HECTD4: variants seen among roughly 807,000 people sequenced by gnomAD.
HECTD4 encodes HECT domain E3 ubiquitin protein ligase 4.
A neutral mutation model predicts 471.5 loss-of-function variants in HECTD4; 114 were observed. The observed-to-expected ratio is 0.24, with a 90% CI of 0.21 to 0.28. The LOEUF (loss-of-function observed/expected upper bound fraction) is 0.28, where lower values mean the gene tolerates loss of function less well. Ranked by LOEUF, HECTD4 falls within the 10% of genes least tolerant of loss-of-function variation. The pLI is 1.00. For synonymous variants in HECTD4, 2,012 were observed against 2,256.0 expected, an observed-to-expected ratio of 0.89 and a Z score of 3.07; for missense variants, 3,866 against 5,651.5, an observed-to-expected ratio of 0.68 and a Z score of 10.13.
intron 1 of HECTD4, among the ~76,000 whole-genome samples, chr12:112,349,388 C>CAAAAAAAAAA (rs60480485): frequency 1.5e-3 from 83 of 53,938 alleles, no homozygotes; most frequent in Non-Finnish European, 2.1e-3. Flanking sequence ...ACTCTTGCTC[C>CAAAAAAAAAA]AAAAAAAAAA....
chr12:112,254,677 A>G (rs2033969996), intron 21 of HECTD4, among the ~76,000 whole-genome samples: 1 of 152,228 alleles, frequency 6.6e-6, no homozygotes, highest in African/African-American at 2.4e-5. Flanking sequence ...AACAAATTGA[A>G]AATAAGCCAT....
In HECTD4 at chr12:112,239,086, A is replaced by G. The variant is rs375870864; in HGVS notation, c.5256T>C (p.Leu1752=). ...ATMAWAAFQV[L]ANRCVEWEKE... is the part of the protein sequence containing the mutation. ...TTTCCCACTCAACACAGCGGTTGGC[A>G]AGCACCTGGAAGGCAGCCCAGGCCA... is the stretch of plus-strand genomic sequence containing the variant. The change falls in exon 34 of 76, where the codon CTT becomes CTC. Residue 1752 remains leucine, a synonymous_variant. Coordinates refer to ENST00000682272, the MANE Select transcript of HECTD4 (RefSeq NM_001388303.1). The surrounding 1 kb of genome is among the most constrained non-coding windows in gnomAD (Gnocchi z 4.9). 7.1e-5 allele frequency: 115 copies of G among 1,613,334 alleles called. No homozygotes were observed. Among genetic ancestry groups the G allele is most frequent in the Middle Eastern group, 1.6e-4 (1 of 6,084 alleles).
In HECTD4 at chr12:112,207,075, A is replaced by G. The variant is rs1390198850; in HGVS notation, c.8131+799T>C. On this transcript the variant is annotated intron_variant, in intron 52 of 75. Transcript: ENST00000682272. ...AATGTTTTCAAAAGGAACAGTGGGT[A>G]TGAGAAAAAAAATACTGTTTGTTTA... 2.0e-5 allele frequency among the ~76,000 whole-genome samples: 3 copies of G among 152,140 alleles called. 1 individual carries two copies. Among genetic ancestry groups the G allele is most frequent in the Admixed American group, 1.3e-4 (2 of 15,266 alleles).
At chr12:112,333,453 C>T (rs2035882283) in intron 1 of HECTD4, among the ~76,000 whole-genome samples, 1 of 152,160 alleles carries the variant, frequency 6.6e-6, no homozygotes, top group South Asian at 2.1e-4. Context: ...TGGGTAATGA[C>T]GTTGAGCATC....
chr12:112,250,400 CT>C, intron 24 of HECTD4, 23 bp from the exon 25 acceptor site: 1 of 1,514,706 alleles, frequency 6.6e-7, no homozygotes, highest in Non-Finnish European at 9.2e-7. Flanking sequence ...AAAAGAGGCT[CT>C]TCACTTCCTC....
At chr12:112,365,350 A>G (rs1242038943) in intron 1 of HECTD4, among the ~76,000 whole-genome samples, 1 of 152,218 alleles carries the variant, frequency 6.6e-6, no homozygotes, top group Non-Finnish European at 1.5e-5. Context: ...GAGCTACGAT[A>G]GTGCCACTGC....
chr12:112,269,988 G>T, intron 12 of HECTD4, 139 bp from the exon 13 acceptor site: 1 of 761,502 alleles, frequency 1.3e-6, no homozygotes, highest in Non-Finnish European at 2.1e-6. Context: ...CTTCTACTGT[G>T]TAACGGTATA....
At chr12:112,202,148 C>A (rs540625014) in intron 54 of HECTD4, among the ~76,000 whole-genome samples, 1 of 151,840 alleles carries the variant, frequency 6.6e-6, no homozygotes, top group Non-Finnish European at 1.5e-5. Context: ...CAGTCAATAG[C>A]CCCTCTAAAA....
At chr12:112,369,932 C>G (rs1016351493) in intron 1 of HECTD4, among the ~76,000 whole-genome samples, 1 of 152,156 alleles carries the variant, frequency 6.6e-6, no homozygotes, top group Admixed American at 6.5e-5. Context: ...TGAATAATGG[C>G]GTCCACCAAA....
intron 18 of HECTD4, among the ~76,000 whole-genome samples, chr12:112,260,172 A>G (rs1397510933): frequency 2.0e-5 from 3 of 152,086 alleles, no homozygotes; most frequent in Non-Finnish European, 4.4e-5. Context: ...TTCTGTCTCT[A>G]TGATTTTGAC....
At chr12:112,314,591 C>A (rs1303452596) in intron 2 of HECTD4, 45 bp from the exon 3 acceptor site, 1 of 1,128,628 alleles carries the variant, frequency 8.9e-7, no homozygotes, top group African/African-American at 1.5e-5. Flanking sequence ...AATTTAAAAT[C>A]AAATAATTTA....
In HECTD4 at chr12:112,192,618, G is replaced by C. The variant is rs745863963; in HGVS notation, c.9234C>G (p.Pro3078=). Residue 3078 remains proline, a synonymous_variant, in exon 59 of 76, where the codon CCC becomes CCG. Coordinates refer to ENST00000682272, the MANE Select transcript of HECTD4 (RefSeq NM_001388303.1). ...SPANTGLAPP[P]TADQYPSVVL... ...CCACAGAGGGGTACTGGTCAGCGGT[G>C]GGGGGAGGTGCAAGCCCAGTGTTGG... 1.9e-6 allele frequency: 3 copies of C among 1,608,460 alleles called. No individual in the cohort carries two copies. Among genetic ancestry groups the C allele is most frequent in the Non-Finnish European group, 1.7e-6 (2 of 1,177,726 alleles).
chr12:112,382,003 C>T lies in HECTD4; in HGVS notation c.126G>A (p.Glu42=). 8.2e-7 allele frequency: 1 copy of T among 1,224,748 alleles called. No individual in the cohort carries two copies. Among genetic ancestry groups the T allele is most frequent in the Non-Finnish European group, 1.0e-6 (1 of 983,394 alleles). The allele number at this position is 1,224,748 out of a possible 1,614,324, so 75.9% of individuals were successfully genotyped here. ...DGLIRVTDLA[E]LPSEILGAPE... ...GGGCCCCGAGGATCTCGCTGGGCAG[C>T]TCGGCCAGGTCGGTGACCCGGATCA... Residue 42 remains glutamate (E), a synonymous_variant, in exon 1 of 76, where the codon GAG becomes GAA. Coordinates refer to ENST00000682272, the MANE Select transcript of HECTD4 (RefSeq NM_001388303.1).
intron 9 of HECTD4, among the ~76,000 whole-genome samples, chr12:112,278,889 T>C (rs1327434709): frequency 6.6e-6 from 1 of 152,118 alleles, no homozygotes; most frequent in Non-Finnish European, 1.5e-5. Flanking sequence ...CAAGACTCCG[T>C]CTAAAAAAAA....
chr12:112,265,990 C>T lies in HECTD4; in HGVS notation c.2393-7G>A. Reference sequence around the variant, plus strand: ...AGTCCACTGTTTCTCTCTCCTAACACAGAAGAAAGCTCCATCAACTACCCT... The same window carrying T: ...AGTCCACTGTTTCTCTCTCCTAACATAGAAGAAAGCTCCATCAACTACCCT... On this transcript the variant is annotated splice_region_variant and splice_polypyrimidine_tract_variant and intron_variant, in intron 14 of 75. Coordinates refer to ENST00000682272, the MANE Select transcript of HECTD4 (RefSeq NM_001388303.1). 1 of 1,596,982 alleles carries T rather than the reference C, an allele frequency of 6.3e-7. No homozygotes were observed. The highest frequency in any genetic ancestry group is 8.6e-7 in the Non-Finnish European group (1 of 1,165,272).
intron 72 of HECTD4, among the ~76,000 whole-genome samples, chr12:112,164,589 G>A (rs2030849951): frequency 6.6e-6 from 1 of 151,922 alleles, no homozygotes; most frequent in Non-Finnish European, 1.5e-5. Context: ...CTGCCCGTGC[G>A]CTGGGAGAGA....
chr12:112,347,774 C>G (rs2036183074), intron 1 of HECTD4, among the ~76,000 whole-genome samples: 1 of 152,190 alleles, frequency 6.6e-6, no homozygotes, highest in Non-Finnish European at 1.5e-5. Flanking sequence ...AGATGGGGGC[C>G]CCATGGCAGG....
chr12:112,231,250 C>T (rs1260869847), intron 39 of HECTD4: 5 of 522,906 alleles, frequency 9.6e-6, no homozygotes, highest in Non-Finnish European at 1.7e-5. Flanking sequence ...TTTATTAATA[C>T]TACTCAAAAG....
At chr12:112,296,312 G>T (rs1594020247) in intron 7 of HECTD4, among the ~76,000 whole-genome samples, 1 of 152,070 alleles carries the variant, frequency 6.6e-6, no homozygotes, top group East Asian at 1.9e-4. Context: ...GTGGATGTGG[G>T]TGCAGAGGGT....
Sources: gnomAD v4.1 joint callset for allele counts (sites outside exome capture counted in the v4.1 genomes callset) on GRCh38, gnomAD v4.1.1 for gene constraint, Gnocchi (gnomAD v3.1) non-coding constraint, MANE v1.5 for transcripts, NCBI Gene and HGNC (gene_info 2026-07-23, HGNC 2026-07-21) for gene names.